Variants in RABL2B observed in about 807,000 individuals in gnomAD.
RABL2B encodes rab-like protein 2B.
Under a neutral mutation model 26.7 loss-of-function variants are expected in RABL2B, and 17 were observed. The observed-to-expected ratio is 0.64, with a 90% CI of 0.44 to 0.95. The LOEUF (loss-of-function observed/expected upper bound fraction) is 0.95, where lower values mean the gene tolerates loss of function less well. Ranked by LOEUF, RABL2B falls within the 40% of genes least tolerant of loss-of-function variation. RABL2B has a pLI of 0.00. For synonymous variants in RABL2B, 70 were observed against 103.9 expected, an observed-to-expected ratio of 0.67 and a Z score of 1.99; for missense variants, 170 against 277.2, an observed-to-expected ratio of 0.61 and a Z score of 2.75.
intron 4 of RABL2B, among the ~76,000 whole-genome samples, chr22:50,776,147 T>C (rs1555923795): frequency 6.6e-6 from 1 of 152,126 alleles, no homozygotes; most frequent in Non-Finnish European, 1.5e-5. Flanking sequence ...GTTTCCCACG[T>C]GACACGCAGG....
Position 50,769,496 on chromosome 22 carries a change from G to C in RABL2B, c.466C>G (p.Leu156Val). Residue 156 changes from leucine (L) to valine (V), a missense_variant, in exon 7 of 9, where the codon CTG (leucine) becomes GTG (valine). By Grantham distance (32) the Leu-to-Val change is conservative. This residue lies in a region of RABL2B where 165 missense variants were observed against 232.0 expected (regional missense o/e 0.71). Coordinates refer to ENST00000691320, the MANE Select transcript of RABL2B (RefSeq NM_001130919.3). ...CCATCAGCAGCCGAGACGAAATACAGGGGCAGGGAGAACTTCTTGGCAAAA... is the reference window on the plus strand; with the variant it reads ...CCATCAGCAGCCGAGACGAAATACACGGGCAGGGAGAACTTCTTGGCAAAA... The part of the protein sequence containing the change: ...FNFAKKFSLP[L>V]YFVSAADGTN... 1 of 1,612,170 alleles carries C rather than the reference G, an allele frequency of 6.2e-7. No homozygotes were observed.
At position 50,775,754 on chromosome 22, in the gene RABL2B, C is replaced by G. The variant is rs375465379; in HGVS notation, c.297+18G>C. The G allele has an allele frequency of 7.4e-6, 12 of 1,613,944 alleles. No individual in the cohort carries two copies. In the East Asian group the frequency reaches 1.3e-4, roughly 18 times the overall value. On this transcript the variant is annotated intron_variant, in intron 5 of 8. Transcript: ENST00000691320. ...AGACTTGCCCAGTGCCTTTGTCCAC[C>G]TCCCCACCGTCTCGTACCATGATGC...
Position 50,769,654 on chromosome 22 carries a change from C to T in RABL2B, c.410-102G>A, listed in dbSNP as rs1313314365. The T allele has an allele frequency of 1.1e-5, 18 of 1,572,412 alleles. No individual in the cohort carries two copies. In the African/African-American group the frequency reaches 2.3e-4, roughly 20 times the overall value. On this transcript the variant is annotated intron_variant, in intron 6 of 8. Coordinates refer to ENST00000691320, the MANE Select transcript of RABL2B (RefSeq NM_001130919.3). The stretch of plus-strand genomic sequence containing the variant: ...CCTTCATTCCAGAAAGTGGGATAGG[C>T]AGGGATGATTGGGAAACAGGTCCTA...
At chr22:50,774,981 G>A (rs1555922224) in intron 5 of RABL2B, among the ~76,000 whole-genome samples, 1 of 152,192 alleles carries the variant, frequency 6.6e-6, no homozygotes, top group Non-Finnish European at 1.5e-5. Context: ...ATTTCACCAT[G>A]TTGGCCAGGC....
chr22:50,780,800 G>A (rs2085707046), intron 2 of RABL2B: 2 of 467,314 alleles, frequency 4.3e-6, no homozygotes, highest in South Asian at 1.6e-5. Context: ...TTGAAATGAG[G>A]CATATAAAGA....
intron 5 of RABL2B, among the ~76,000 whole-genome samples, chr22:50,774,752 T>G (rs1366637211): frequency 6.6e-6 from 1 of 151,690 alleles, no homozygotes; most frequent in African/African-American, 2.4e-5. Context: ...TATTACTTTC[T>G]GCATTGTTGA....
chr22:50,778,554 C>T (rs1333572540), intron 2 of RABL2B, among the ~76,000 whole-genome samples: 1 of 152,094 alleles, frequency 6.6e-6, no homozygotes, highest in East Asian at 1.9e-4. Flanking sequence ...TCAGTTATCC[C>T]GTGAAAAAAT....
chr22:50,783,186 C>G (rs1331173042), intron 1 of RABL2B: 3 of 169,604 alleles, frequency 1.8e-5, no homozygotes, highest in African/African-American at 7.2e-5. Flanking sequence ...CTGCAGCCTC[C>G]AACTCCTGGA....
At chr22:50,776,145 C>T (rs1479568662) in intron 4 of RABL2B, among the ~76,000 whole-genome samples, 2 of 152,118 alleles carry the variant, frequency 1.3e-5, no homozygotes, top group Non-Finnish European at 2.9e-5. Context: ...CCGTTTCCCA[C>T]GTGACACGCA....
chr22:50,772,878 C>T, intron 5 of RABL2B: 1 of 1,193,632 alleles, frequency 8.4e-7, no homozygotes, highest in South Asian at 1.6e-5. Flanking sequence ...TGAGGAGCAT[C>T]CCCATCTCAA....
intron 5 of RABL2B, chr22:50,771,929 T>C (rs2084250014): frequency 6.6e-6 from 1 of 152,060 alleles, no homozygotes; most frequent in African/African-American, 2.4e-5. Flanking sequence ...TTTTTTAAAG[T>C]AATTTTTATG....
chr22:50,773,122 A>C, intron 5 of RABL2B: 1 of 1,272,104 alleles, frequency 7.9e-7, no homozygotes, highest in Non-Finnish European at 1.0e-6. Flanking sequence ...CCAAGAGAAA[A>C]AGAGAGGTGA....
chr22:50,776,851 C>T, intron 3 of RABL2B, 102 bp from the exon 4 acceptor site: 1 of 1,467,890 alleles, frequency 6.8e-7, no homozygotes, highest in Non-Finnish European at 9.3e-7. Context: ...CCCTCCTCTT[C>T]TCTTTGGAGT....
In RABL2B at chr22:50,776,775, C is replaced by A. The variant is rs369564416; in HGVS notation, c.138-26G>T. ...CTGCACTCAGGTTAAGGAGCAAAATCAATAAAAGGGGAGGTAAGGAAGGAG... is the reference window on the plus strand; with the variant it reads ...CTGCACTCAGGTTAAGGAGCAAAATAAATAAAAGGGGAGGTAAGGAAGGAG... On this transcript the variant is annotated intron_variant, in intron 3 of 8. Transcript: ENST00000691320. 182 of 1,590,760 alleles carry A rather than the reference C, an allele frequency of 1.1e-4. No homozygotes were observed. The Middle Eastern group carries it at 3.3e-3, about 29-fold the overall frequency.
At position 50,783,604 on chromosome 22, in the gene RABL2B, G is replaced by C. The variant is rs562765971; in HGVS notation, c.-157C>G. 6.5e-6 allele frequency: 1 copy of C among 153,038 alleles called. No individual in the cohort carries two copies. The highest frequency in any genetic ancestry group is 6.5e-5 in the Admixed American group (1 of 15,290). The allele number at this position is 153,038 out of a possible 1,614,324, so 9.5% of individuals were successfully genotyped here. ...TGCGCGCTCTCGAACCACGCCCGCC[G>C]GCCCAGCTCGCGCCGCAGCGCACTC... On this transcript the variant is annotated 5_prime_UTR_variant, in exon 1 of 9. Transcript: ENST00000691320.
rs146575623 is a variant in RABL2B, at chr22:50,777,972, C to A, written c.117G>T (p.Glu39Asp). 8.7e-6 allele frequency: 14 copies of A among 1,614,000 alleles called. No individual in the cohort carries two copies. The highest frequency in any genetic ancestry group is 1.1e-5 in the Non-Finnish European group (13 of 1,180,036). The change falls in exon 3 of 9, where the codon GAG becomes GAT. Residue 39 changes from glutamate to aspartate, a missense_variant. Glu to Asp is a conservative substitution (Grantham distance 45). Transcript: ENST00000691320. Reference protein sequence around the residue: ...DSAVGKSKLMERFLMDGFQPQ... With the variant: ...DSAVGKSKLMDRFLMDGFQPQ... ...GATACAAGCCATCCATGAGAAATCT[C>A]TCCATGAGTCTGTAAGCAGAACAGG...
At chr22:50,772,598 G>A in intron 5 of RABL2B, 1 of 1,007,226 alleles carries the variant, frequency 9.9e-7, no homozygotes. Flanking sequence ...TTCAAGCTCA[G>A]GGCTAGGGGC....
At chr22:50,781,492 C>G (rs2085876208) in intron 2 of RABL2B, among the ~76,000 whole-genome samples, 1 of 151,770 alleles carries the variant, frequency 6.6e-6, no homozygotes, top group African/African-American at 2.4e-5. Flanking sequence ...TCACAGCTAC[C>G]TGAGTCAAAG....
Position 50,783,303 on chromosome 22 carries a change from T to C in RABL2B, c.-54+198A>G, listed in dbSNP as rs115055839. 11,480 of 155,928 alleles carry C rather than the reference T, an allele frequency of 0.074. 419 individuals carry two copies. The highest frequency in any genetic ancestry group is 0.089 in the African/African-American group (3,707 of 41,602). The allele number at this position is 155,928 out of a possible 1,614,324, so 9.7% of individuals were successfully genotyped here. ...CCTTGCCATCTAAGTGGGTAAGCTA[T>C]CTTTCGATAAATGTTTTTGGCCACC... On this transcript the variant is annotated intron_variant, in intron 1 of 8. Transcript: ENST00000691320.
Sources: allele counts gnomAD v4.1 joint callset (sites outside exome capture counted in the v4.1 genomes callset), GRCh38; gene constraint gnomAD v4.1.1; regional missense constraint gnomAD v4.1.1; transcripts MANE v1.5; gene names NCBI Gene and HGNC (gene_info 2026-07-23, HGNC 2026-07-21).